Variants in PIEZO2 observed in about 807,000 individuals in gnomAD.
PIEZO2 encodes the protein piezo type mechanosensitive ion channel component 2.
PIEZO2 carries 172 observed loss-of-function variants against 337.3 expected under a neutral mutation model. That is an observed-to-expected ratio of 0.51 (90% CI 0.45 to 0.58). The LOEUF is 0.58. Among genes scored for constraint, PIEZO2 ranks in the 20% least tolerant of loss-of-function variants. The pLI, the probability that PIEZO2 is intolerant of heterozygous loss-of-function variation, is 0.00. For synonymous variants in PIEZO2, 1,251 were observed against 1,228.5 expected (o/e 1.02, Z -0.38); for missense variants, 3,028 against 3,391.3 (o/e 0.89, Z 2.66).
At chr18:11,100,839 C>T (rs2039400207) in intron 1 of PIEZO2, among the ~76,000 whole-genome samples, 1 of 152,206 alleles carries the variant, frequency 6.6e-6, no homozygotes, top group Non-Finnish European at 1.5e-5. Context: ...TCGTGATCCG[C>T]CCACCTTGGC....
intron 1 of PIEZO2, among the ~76,000 whole-genome samples, chr18:11,117,927 G>A (rs1183134337): frequency 1.5e-4 from 23 of 152,088 alleles, no homozygotes; most frequent in Admixed American, 1.5e-3. Flanking sequence ...ATTCAAAGAG[G>A]GTCCTAAGAT....
At chr18:11,086,769 TA>T (rs2038930559) in intron 1 of PIEZO2, among the ~76,000 whole-genome samples, 1 of 147,954 alleles carries the variant, frequency 6.8e-6, no homozygotes, top group African/African-American at 2.5e-5. Context: ...TTTTTTTTTT[TA>T]ACAGGAAGAG....
At chr18:10,840,834 G>A (rs1343695069) in intron 7 of PIEZO2, among the ~76,000 whole-genome samples, 5 of 152,166 alleles carry the variant, frequency 3.3e-5, no homozygotes, top group Non-Finnish European at 7.4e-5. Context: ...AGAGAAGCAA[G>A]AAAAATGTTA....
At chr18:10,887,800 G>A (rs993160963) in intron 4 of PIEZO2, among the ~76,000 whole-genome samples, 1 of 152,086 alleles carries the variant, frequency 6.6e-6, no homozygotes, top group Non-Finnish European at 1.5e-5. Context: ...CATTATGGAG[G>A]ATGATCCTCA....
intron 1 of PIEZO2, among the ~76,000 whole-genome samples, chr18:11,089,138 C>A (rs2038994303): frequency 6.6e-6 from 1 of 152,156 alleles, no homozygotes; most frequent in African/African-American, 2.4e-5. Context: ...GTCCCCTCCA[C>A]ACCTCCTGAG....
At position 11,146,302 on chromosome 18, in the gene PIEZO2, G is replaced by C. The variant is rs748650242; in HGVS notation, c.64+2223C>G. ...TCCCAGAAAGTCCAGGATCAAAGTG[G>C]ACTCAGGCAGCGGGAGCCCCCAGCC... On this transcript the variant is annotated intron_variant, in intron 1 of 55. Transcript: ENST00000674853. The surrounding 1 kb of genome is among the most constrained non-coding windows in gnomAD (Gnocchi z 6.1). Among the ~76,000 whole-genome samples, 1 of 152,164 alleles carries C rather than the reference G, an allele frequency of 6.6e-6. No homozygotes were observed. Among genetic ancestry groups the C allele is most frequent in the Non-Finnish European group, 1.5e-5 (1 of 68,036 alleles).
chr18:10,934,285 C>A (rs2032253341), intron 3 of PIEZO2, among the ~76,000 whole-genome samples: 1 of 152,160 alleles, frequency 6.6e-6, no homozygotes, highest in African/African-American at 2.4e-5. Context: ...TGACGAAGGG[C>A]AGGCATTGTG....
chr18:11,106,262 A>AT (rs34892450), intron 1 of PIEZO2, among the ~76,000 whole-genome samples: 3,600 of 114,686 alleles, frequency 0.031, 75 homozygotes, highest in African/African-American at 0.073. Flanking sequence ...AATTTTTTGT[A>AT]TTTTTTTTTT....
At position 10,795,356 on chromosome 18, in the gene PIEZO2, T is replaced by TTTA. The variant is rs1209150484; in HGVS notation, c.1528-357_1528-355dup. 8.5e-4 allele frequency among the ~76,000 whole-genome samples: 26 copies of TTTA among 30,496 alleles called. No homozygotes were observed. Among genetic ancestry groups the TTTA allele is most frequent in the African/African-American group, 2.2e-3 (23 of 10,254 alleles). 20.0% of individuals were successfully genotyped at this position (30,496 alleles called of 152,430 possible). Reference sequence around the variant, plus strand: ...ATTTTATTTTATTTTATTTTATTATTTTATTTTATTTTATTTTATTTTATT... The same window carrying TTTA: ...ATTTTATTTTATTTTATTTTATTATTTTATTATTTTATTTTATTTTATTTTATT... On this transcript the variant is annotated intron_variant, in intron 12 of 55. Transcript: ENST00000674853. This position sits in a 1 kb window ranked among gnomAD's most constrained non-coding sequence, Gnocchi z 4.4.
chr18:10,722,080 G>A (rs978828362), intron 36 of PIEZO2, among the ~76,000 whole-genome samples: 1 of 150,484 alleles, frequency 6.6e-6, no homozygotes, highest in Admixed American at 6.6e-5. Context: ...GAACTCGGGA[G>A]ACGGAGGTTG....
chr18:10,675,341 TAA>T, intron 53 of PIEZO2, 53 bp from the exon 54 acceptor site: 2 of 1,183,738 alleles, frequency 1.7e-6, no homozygotes, highest in Non-Finnish European at 2.3e-6. Flanking sequence ...TTTACCCACC[TAA>T]AATTGATTTT....
At chr18:10,822,038 T>C (rs1292327509) in intron 7 of PIEZO2, among the ~76,000 whole-genome samples, 4 of 152,220 alleles carry the variant, frequency 2.6e-5, no homozygotes, top group African/African-American at 7.2e-5. Context: ...CTTTAAAAAT[T>C]GCTATTCATT....
chr18:10,680,022 T>C (rs1195117082), intron 52 of PIEZO2, among the ~76,000 whole-genome samples, 177 bp downstream of exon 52: 1 of 152,196 alleles, frequency 6.6e-6, no homozygotes, highest in African/African-American at 2.4e-5. Context: ...AGTCATTATT[T>C]AATACATAAA....
In PIEZO2 at chr18:11,003,617, C is replaced by G. The variant is rs2035619893; in HGVS notation, c.161-23957G>C. Among the ~76,000 whole-genome samples, 1 of 152,186 alleles carries G rather than the reference C, an allele frequency of 6.6e-6. No individual in the cohort carries two copies. Among genetic ancestry groups the G allele is most frequent in the African/African-American group, 2.4e-5 (1 of 41,446 alleles). On this transcript the variant is annotated intron_variant, in intron 2 of 55. Transcript: ENST00000674853. The surrounding 1 kb of genome is among the most constrained non-coding windows in gnomAD (Gnocchi z 4.6). The stretch of plus-strand genomic sequence containing the variant: ...GAGCTTAACCTGGAAGTTCAGGGCA[C>G]CAGGCGGGCATCAGGCGGGCACCAG...
intron 36 of PIEZO2, among the ~76,000 whole-genome samples, chr18:10,720,816 CT>C (rs1398237901): frequency 6.6e-6 from 1 of 152,054 alleles, no homozygotes; most frequent in Admixed American, 6.6e-5. Flanking sequence ...TCTTCTCAAA[CT>C]TATTTTCTGC....
At chr18:11,135,231 T>C (rs2040448575) in intron 1 of PIEZO2, among the ~76,000 whole-genome samples, 1 of 152,030 alleles carries the variant, frequency 6.6e-6, no homozygotes, top group South Asian at 2.1e-4. Context: ...TAACGAGATA[T>C]GGACCAACAA....
rs2036877970 is a variant in PIEZO2 at position 11,035,084 on chromosome 18, A to G, written c.160+31043T>C. Among the ~76,000 whole-genome samples the G allele has an allele frequency of 6.6e-6, 1 of 152,202 alleles. No homozygotes were observed. Among genetic ancestry groups the G allele is most frequent in the Non-Finnish European group, 1.5e-5 (1 of 68,036 alleles). On this transcript the variant is annotated intron_variant, in intron 2 of 55. Transcript: ENST00000674853. This position sits in a 1 kb window ranked among gnomAD's most constrained non-coding sequence, Gnocchi z 4.3. ...CATGGCAAGCTCATTCACTTTCGAA[A>G]TCAATTTATTACAGAGTGTGTAGAA...
At chr18:10,681,535 T>A (rs1192409229) in intron 51 of PIEZO2, 126 bp downstream of exon 51, 1 of 724,680 alleles carries the variant, frequency 1.4e-6, no homozygotes, top group African/African-American at 1.8e-5. Flanking sequence ...GTGCTCTATG[T>A]AACTGATAAA....
At position 11,094,702 on chromosome 18, in the gene PIEZO2, A is replaced by G. The variant is rs1327640310; in HGVS notation, c.65-28480T>C. Among the ~76,000 whole-genome samples, 2 of 152,232 alleles carry G rather than the reference A, an allele frequency of 1.3e-5. No individual in the cohort carries two copies. Among genetic ancestry groups the G allele is most frequent in the Non-Finnish European group, 2.9e-5 (2 of 68,046 alleles). On this transcript the variant is annotated intron_variant, in intron 1 of 55. Transcript: ENST00000674853. The surrounding 1 kb of genome is among the most constrained non-coding windows in gnomAD (Gnocchi z 4.4). ...TTTGAATTTTTCTGTACAGATTCTA[A>G]CAGGAAAGAAAAATGGGAGCTGGAT...
Sources: allele counts gnomAD v4.1 joint callset (sites outside exome capture counted in the v4.1 genomes callset), GRCh38; gene constraint gnomAD v4.1.1; non-coding constraint Gnocchi (gnomAD v3.1); transcripts MANE v1.5; gene names NCBI Gene and HGNC (gene_info 2026-07-23, HGNC 2026-07-21).